Variants in SORCS3 observed in about 807,000 individuals in gnomAD.
The protein encoded by SORCS3 is VPS10 domain-containing receptor SorCS3.
In SORCS3, 57 loss-of-function variants were observed where a neutral mutation model predicts 146.3. The observed-to-expected ratio is 0.39, with a 90% CI of 0.31 to 0.49. The LOEUF (loss-of-function observed/expected upper bound fraction) is 0.49. Among genes scored for constraint, SORCS3 ranks in the 20% least tolerant of loss-of-function variants. The pLI is 0.92. For synonymous variants in SORCS3, 653 were observed against 618.5 expected, an observed-to-expected ratio of 1.06 and a Z score of -0.83; for missense variants, 1,341 against 1,575.5, an observed-to-expected ratio of 0.85 and a Z score of 2.52.
At chr10:104,705,935 G>T (rs1173271235) in intron 1 of SORCS3, among the ~76,000 whole-genome samples, 1 of 152,170 alleles carries the variant, frequency 6.6e-6, no homozygotes, top group Non-Finnish European at 1.5e-5. Context: ...ACCTAGAGGG[G>T]TGCTGGGCCC....
chr10:104,857,824 C>T (rs1045372064), intron 2 of SORCS3, among the ~76,000 whole-genome samples: 1 of 152,156 alleles, frequency 6.6e-6, no homozygotes, highest in Admixed American at 6.5e-5. Context: ...GAAACCGGGC[C>T]TCTTGTAATG....
At chr10:104,910,174 TGAG>T (rs2018952342) in intron 2 of SORCS3, among the ~76,000 whole-genome samples, 1 of 152,002 alleles carries the variant, frequency 6.6e-6, no homozygotes, top group Non-Finnish European at 1.5e-5. Flanking sequence ...GAGAGTAGCG[TGAG>T]TGACAGGTAG....
At chr10:105,086,084 G>A (rs2055658594) in intron 5 of SORCS3, among the ~76,000 whole-genome samples, 1 of 152,076 alleles carries the variant, frequency 6.6e-6, no homozygotes, top group Admixed American at 6.5e-5. Context: ...CAAGATTTGA[G>A]AGACAATTCT....
At chr10:105,258,320 A>G (rs1450650230) in intron 25 of SORCS3, among the ~76,000 whole-genome samples, 2 of 152,222 alleles carry the variant, frequency 1.3e-5, no homozygotes, top group Non-Finnish European at 2.9e-5. Context: ...TATGTCACAA[A>G]GTGAGAAAAG....
intron 2 of SORCS3, among the ~76,000 whole-genome samples, chr10:104,915,465 A>C (rs954034941): frequency 8.8e-6 from 1 of 113,512 alleles, no homozygotes; most frequent in Non-Finnish European, 1.6e-5. Flanking sequence ...TCCCGTATAG[A>C]GGGTCCGCTG....
At chr10:104,811,251 A>G (rs927502208) in intron 1 of SORCS3, among the ~76,000 whole-genome samples, 1 of 152,214 alleles carries the variant, frequency 6.6e-6, no homozygotes, top group African/African-American at 2.4e-5. Flanking sequence ...CTGTTCTCAA[A>G]GAGGTCCCAG....
At chr10:105,255,672 C>T (rs1291524706) in intron 23 of SORCS3, 30 bp from the exon 24 acceptor site, 2 of 1,474,586 alleles carry the variant, frequency 1.4e-6, no homozygotes, top group Non-Finnish European at 1.9e-6. Flanking sequence ...CATGTCATGT[C>T]ACCCCATGCA....
chr10:105,127,714 C>T (rs541929955), intron 7 of SORCS3, among the ~76,000 whole-genome samples: 1 of 152,116 alleles, frequency 6.6e-6, no homozygotes, highest in Non-Finnish European at 1.5e-5. Context: ...GGACCTGCTT[C>T]CCTCTAATTT....
At chr10:104,927,198 T>C (rs1026735243) in intron 3 of SORCS3, among the ~76,000 whole-genome samples, 1 of 152,254 alleles carries the variant, frequency 6.6e-6, no homozygotes, top group Admixed American at 6.5e-5. Context: ...TGAAAAAATG[T>C]CTGTTTCTCT....
chr10:105,050,363 C>T (rs538781279), intron 5 of SORCS3, among the ~76,000 whole-genome samples: 3 of 152,172 alleles, frequency 2.0e-5, no homozygotes, highest in South Asian at 4.1e-4. Flanking sequence ...ATCTTGGGTG[C>T]ATTCTCATGC....
At chr10:104,652,158 G>T (rs1031748419) in intron 1 of SORCS3, among the ~76,000 whole-genome samples, 1 of 151,868 alleles carries the variant, frequency 6.6e-6, no homozygotes, top group Non-Finnish European at 1.5e-5. Flanking sequence ...AATGGAAAAT[G>T]CTTCTTTCAA....
chr10:104,680,009 G>C (rs568170343), intron 1 of SORCS3, among the ~76,000 whole-genome samples: 1 of 152,192 alleles, frequency 6.6e-6, no homozygotes, highest in Non-Finnish European at 1.5e-5. Flanking sequence ...AGGAAACCTT[G>C]ACCTGGGTGC....
intron 3 of SORCS3, among the ~76,000 whole-genome samples, chr10:104,930,057 G>T (rs952963454): frequency 7.4e-6 from 1 of 135,002 alleles, no homozygotes; most frequent in African/African-American, 3.4e-5. Context: ...CCAGAAAATG[G>T]CAGAGAAATA....
rs1420049598 is a variant in SORCS3, at chr10:105,072,657, CTCT to C, written c.1029-17116_1029-17114del. Among the ~76,000 whole-genome samples, 44 of 110,394 alleles carry C rather than the reference CTCT, an allele frequency of 4.0e-4. 11 individuals are homozygous for C. The highest frequency in any genetic ancestry group is 5.7e-4 in the South Asian group (2 of 3,536). The allele number at this position is 110,394 out of a possible 152,430, so 72.4% of individuals were successfully genotyped here. On this transcript the variant is annotated intron_variant, in intron 5 of 26. Transcript: ENST00000369701. ...AAACCTTTTCTTTCTTTCTCTCTCT[CTCT>C]TTTTTTTTTTTTTTTTTTTTTTTTT...
intron 7 of SORCS3, among the ~76,000 whole-genome samples, chr10:105,113,282 T>C (rs2055871171): frequency 1.3e-5 from 2 of 152,214 alleles, no homozygotes; most frequent in Non-Finnish European, 2.9e-5. Flanking sequence ...ATCTTTTCTC[T>C]GCATATTAAT....
At chr10:105,252,638 T>G in intron 22 of SORCS3, 137 bp from the exon 23 acceptor site, 1 of 973,950 alleles carries the variant, frequency 1.0e-6, no homozygotes, top group Non-Finnish European at 1.5e-6. Flanking sequence ...AGCCTGAATG[T>G]ATATTGGAGC....
At position 104,941,004 on chromosome 10, in the gene SORCS3, T is replaced by C. The variant is rs139825618; in HGVS notation, c.795+25072T>C. On this transcript the variant is annotated intron_variant, in intron 3 of 26. Transcript: ENST00000369701. ...TTCAAACTATCCTCTTCCTTTTCGA[T>C]CATATAGGGTAACTTCCAGGTGTTG... is the stretch of plus-strand genomic sequence containing the variant. 3.1e-3 allele frequency among the ~76,000 whole-genome samples: 471 copies of C among 152,288 alleles called. 4 individuals are homozygous for C. The highest frequency in any genetic ancestry group is 0.01 in the African/African-American group (431 of 41,560).
chr10:105,180,924 C>T (rs1564777759), intron 14 of SORCS3, among the ~76,000 whole-genome samples: 1 of 152,174 alleles, frequency 6.6e-6, no homozygotes, highest in Admixed American at 6.5e-5. Flanking sequence ...TTTTCCTTCA[C>T]AGCACTTTAG....
At chr10:105,102,217 G>C (rs1329915331) in intron 6 of SORCS3, among the ~76,000 whole-genome samples, 1 of 150,920 alleles carries the variant, frequency 6.6e-6, no homozygotes, top group Non-Finnish European at 1.5e-5. Flanking sequence ...ATAAATCATT[G>C]AACATGCACA....
Sources: gnomAD v4.1 joint callset for allele counts (sites outside exome capture counted in the v4.1 genomes callset) on GRCh38, gnomAD v4.1.1 for gene constraint, MANE v1.5 for transcripts, NCBI Gene and HGNC (gene_info 2026-07-23, HGNC 2026-07-21) for gene names.